Variants in VSTM4 observed in about 807,000 individuals in gnomAD.
The protein encoded by VSTM4 is V-set and transmembrane domain-containing protein 4.
Under a neutral mutation model 36.4 loss-of-function variants are expected in VSTM4, and 20 were observed. The ratio of observed to expected loss-of-function variants is 0.55; its 90% CI spans 0.39 to 0.80. The LOEUF (loss-of-function observed/expected upper bound fraction) is 0.80. Among genes scored for constraint, VSTM4 ranks in the 30% least tolerant of loss-of-function variants. The probability of loss-of-function intolerance (pLI) is 0.00; values close to 1 mark genes in which losing one functional copy is unlikely to be tolerated. For missense variants in VSTM4, 392 were observed against 404.5 expected (o/e 0.97, Z 0.26); for synonymous variants, 182 against 173.9 (o/e 1.05, Z -0.37).
chr10:49,075,426 A>T (rs1259075722), intron 4 of VSTM4, among the ~76,000 whole-genome samples: 1 of 152,274 alleles, frequency 6.6e-6, no homozygotes, highest in African/African-American at 2.4e-5. Flanking sequence ...TGTGCTGAGC[A>T]TCTGTCCTGA....
intron 7 of VSTM4, among the ~76,000 whole-genome samples, chr10:49,033,990 C>A (rs1230515376): frequency 6.6e-6 from 1 of 152,090 alleles, no homozygotes; most frequent in East Asian, 1.9e-4. Context: ...TCATCATCAC[C>A]ATCATCACCA....
intron 5 of VSTM4, among the ~76,000 whole-genome samples, chr10:49,063,086 C>T (rs544494535): frequency 3.3e-5 from 5 of 151,302 alleles, no homozygotes; most frequent in Admixed American, 2.6e-4. Context: ...TGCCTGCAAT[C>T]CCAGCATTTT....
chr10:49,076,494 G>A (rs1434092040), intron 4 of VSTM4, among the ~76,000 whole-genome samples: 1 of 152,172 alleles, frequency 6.6e-6, no homozygotes, highest in African/African-American at 2.4e-5. Flanking sequence ...GGGAGCCACA[G>A]TGTCCCCAAG....
chr10:49,049,490 C>A (rs560317349), intron 5 of VSTM4, among the ~76,000 whole-genome samples: 18 of 152,276 alleles, frequency 1.2e-4, no homozygotes, highest in African/African-American at 4.3e-4. Context: ...GCTTCCTATT[C>A]GCTCCAGTAA....
At chr10:49,034,870 A>G (rs1202696831) in intron 7 of VSTM4, among the ~76,000 whole-genome samples, 1 of 152,234 alleles carries the variant, frequency 6.6e-6, no homozygotes, top group Admixed American at 6.5e-5. Context: ...GGCTTTAAAA[A>G]TGTGAGCAGA....
At chr10:49,103,720 A>G in intron 2 of VSTM4, 1 of 1,611,218 alleles carries the variant, frequency 6.2e-7, no homozygotes. Context: ...TTCCAGTGAA[A>G]GACAAGCAAT....
rs573843376 is a variant in VSTM4, at chr10:49,072,842, G to T, written c.634+4377C>A. Among the ~76,000 whole-genome samples the T allele has an allele frequency of 2.6e-5, 4 of 152,348 alleles. No homozygotes were observed. The East Asian group carries it at 5.8e-4, about 22-fold the overall frequency. On this transcript the variant is annotated intron_variant, in intron 4 of 7. Transcript: ENST00000332853. ...AACTTCAGGTGGCTGAAGACACACA[G>T]ATGACTCCAGGTGACACTGCCAGAA... is the stretch of plus-strand genomic sequence containing the variant.
intron 2 of VSTM4, among the ~76,000 whole-genome samples, chr10:49,089,513 T>C (rs1191109233): frequency 2.0e-5 from 3 of 152,178 alleles, no homozygotes; most frequent in East Asian, 1.9e-4. Context: ...TTATTTAGGA[T>C]AGAAAGCAAC....
At chr10:49,059,083 C>T (rs1371021963) in intron 5 of VSTM4, among the ~76,000 whole-genome samples, 1 of 152,186 alleles carries the variant, frequency 6.6e-6, no homozygotes, top group African/African-American at 2.4e-5. Context: ...AAGAATTGAC[C>T]AATTCACTAG....
chr10:49,040,551 G>A (rs1220838581), intron 7 of VSTM4, among the ~76,000 whole-genome samples: 1 of 152,168 alleles, frequency 6.6e-6, no homozygotes, highest in Non-Finnish European at 1.5e-5. Context: ...CTCCCAAATT[G>A]CTGGGATTAC....
At chr10:49,069,827 CA>C (rs1410770368) in intron 4 of VSTM4, among the ~76,000 whole-genome samples, 1 of 152,204 alleles carries the variant, frequency 6.6e-6, no homozygotes, top group Admixed American at 6.5e-5. Flanking sequence ...GCTGTCTGTC[CA>C]GGGTCCCATA....
intron 7 of VSTM4, among the ~76,000 whole-genome samples, chr10:49,021,334 C>T (rs1311621607): frequency 1.3e-5 from 2 of 151,726 alleles, no homozygotes; most frequent in Non-Finnish European, 2.9e-5. Context: ...AAAATAGCCT[C>T]CAAGTATGGA....
intron 7 of VSTM4, among the ~76,000 whole-genome samples, chr10:49,021,846 A>G (rs1733165936): frequency 6.6e-6 from 1 of 152,234 alleles, no homozygotes; most frequent in South Asian, 2.1e-4. Context: ...GCAGTCTTTA[A>G]GAATGAGGGA....
intron 2 of VSTM4, chr10:49,102,803 T>C: frequency 5.2e-6 from 5 of 956,410 alleles, no homozygotes; most frequent in Non-Finnish European, 6.2e-6. Context: ...GGATCAACTG[T>C]GTACCAGGCA....
chr10:49,078,595 T>C (rs1210624457), intron 3 of VSTM4, among the ~76,000 whole-genome samples: 1 of 151,572 alleles, frequency 6.6e-6, no homozygotes. Flanking sequence ...ATTCTTGATA[T>C]GACAAAATTA....
chr10:49,083,344 T>C (rs541412272), intron 3 of VSTM4, among the ~76,000 whole-genome samples: 1 of 152,130 alleles, frequency 6.6e-6, no homozygotes, highest in Middle Eastern at 3.2e-3. Flanking sequence ...ACAGCCAGGA[T>C]GAACTAAGCC....
intron 5 of VSTM4, among the ~76,000 whole-genome samples, chr10:49,051,897 T>A (rs964578434): frequency 4.6e-5 from 7 of 152,116 alleles, no homozygotes; most frequent in Admixed American, 2.0e-4. Context: ...TAGTGTTTTT[T>A]AAATCATATT....
chr10:49,024,511 T>A (rs895346033), intron 7 of VSTM4, among the ~76,000 whole-genome samples: 6 of 152,144 alleles, frequency 3.9e-5, no homozygotes, highest in Non-Finnish European at 7.3e-5. Flanking sequence ...TGACAGCAGA[T>A]CATGGGTGCA....
chr10:49,048,703 A>G, intron 5 of VSTM4, 119 bp from the exon 6 acceptor site: 1 of 774,746 alleles, frequency 1.3e-6, no homozygotes, highest in Non-Finnish European at 2.0e-6. Context: ...TACCTGTGTA[A>G]GGGAAGGTTA....
Sources: allele counts gnomAD v4.1 joint callset (sites outside exome capture counted in the v4.1 genomes callset), GRCh38; gene constraint gnomAD v4.1.1; transcripts MANE v1.5; gene names NCBI Gene and HGNC (gene_info 2026-07-23, HGNC 2026-07-21).